COG7: variants seen among roughly 807,000 people sequenced by gnomAD.
The protein encoded by COG7 is component of oligomeric golgi complex 7, also known as conserved oligomeric Golgi complex subunit 7.
A neutral mutation model predicts 91.5 loss-of-function variants in COG7; 49 were observed. The ratio of observed to expected loss-of-function variants is 0.54; its 90% confidence interval spans 0.43 to 0.68. The LOEUF is 0.68. Ranked by LOEUF, COG7 falls within the 30% of genes least tolerant of loss-of-function variation. COG7 has a pLI of 0.00. For missense variants in COG7, 895 were observed against 961.3 expected (o/e 0.93, Z 0.91); for synonymous variants, 365 against 388.7 (o/e 0.94, Z 0.72).
intron 10 of COG7, among the ~76,000 whole-genome samples, chr16:23,412,051 T>C (rs1344733761): frequency 6.6e-6 from 1 of 152,042 alleles, no homozygotes; most frequent in East Asian, 1.9e-4. Context: ...CAGCTAATTG[T>C]TGTATTTTTA....
At chr16:23,419,748 C>CAAAAA (rs60636268) in intron 7 of COG7, among the ~76,000 whole-genome samples, 25 of 55,206 alleles carry the variant, frequency 4.5e-4, no homozygotes, top group South Asian at 7.4e-4. Context: ...GACTTCATCT[C>CAAAAA]AAAAAAAAAA....
chr16:23,397,002 T>G lies in COG7; in HGVS notation c.1887+1044A>C, dbSNP rs942442731. Among the ~76,000 whole-genome samples the G allele has an allele frequency of 3.9e-5, 6 of 152,276 alleles. No individual in the cohort carries two copies. In the East Asian group the frequency reaches 9.7e-4, roughly 25 times the overall value. ...ACAGCTCACTGCAGCGTCGACCTCC[T>G]GGGCTCAAGCGATTCTCCCACCTCA... is the stretch of plus-strand genomic sequence containing the variant. On this transcript the variant is annotated intron_variant, in intron 14 of 16. Transcript: ENST00000307149.
chr16:23,420,346 GA>G (rs903486550), intron 7 of COG7, among the ~76,000 whole-genome samples: 25 of 152,160 alleles, frequency 1.6e-4, no homozygotes, highest in African/African-American at 4.8e-4. Flanking sequence ...GAAAGCTTTG[GA>G]CACAGTCTCA....
rs1383658723 is a variant in COG7 at position 23,410,286 on chromosome 16, C to T, written c.1475+9G>A. 3 of 1,613,380 alleles carry T rather than the reference C, an allele frequency of 1.9e-6. No individual in the cohort carries two copies. Among genetic ancestry groups the T allele is most frequent in the East Asian group, 4.5e-5 (2 of 44,882 alleles). ...CAGGGTGTAGAGGACAATGACTCCT[C>T]TCTCCTACCTGTTGGCTAGCTGCTG... On this transcript the variant is annotated intron_variant, in intron 11 of 16. Coordinates refer to ENST00000307149, the MANE Select transcript of COG7 (RefSeq NM_153603.4).
chr16:23,393,615 A>G (rs891388924), intron 14 of COG7: 15 of 476,864 alleles, frequency 3.1e-5, no homozygotes, highest in African/African-American at 2.9e-4. Context: ...TCTATCTCCA[A>G]TGAAGTAATG....
intron 5 of COG7, among the ~76,000 whole-genome samples, chr16:23,434,019 T>C (rs566007408): frequency 6.6e-6 from 1 of 152,310 alleles, no homozygotes; most frequent in East Asian, 1.9e-4. Flanking sequence ...CTAACATCAC[T>C]GCTTAAAAGA....
Position 23,444,924 on chromosome 16 carries a change from A to C in COG7, c.435+124T>G, listed in dbSNP as rs1263420371. ...CACCGAGCAGCTTCAGATCTTCCCC[A>C]CCCTGAGTCTGAAGGTTTCTGAATG... On this transcript the variant is annotated intron_variant, in intron 3 of 16. Coordinates refer to ENST00000307149, the MANE Select transcript of COG7 (RefSeq NM_153603.4). The C allele has an allele frequency of 6.2e-6, 5 of 806,418 alleles. No individual in the cohort carries two copies. The East Asian group carries it at 1.2e-4, about 20-fold the overall frequency. 50.0% of individuals were successfully genotyped at this position (806,418 alleles called of 1,614,324 possible).
At chr16:23,443,085 A>G (rs758962378) in intron 3 of COG7, among the ~76,000 whole-genome samples, 6 of 152,144 alleles carry the variant, frequency 3.9e-5, no homozygotes, top group Non-Finnish European at 5.9e-5. Context: ...AAATTAAAAC[A>G]ATAAAGTGTC....
chr16:23,452,787 C>T (rs759682771), intron 1 of COG7, 39 bp downstream of exon 1: 1 of 1,587,990 alleles, frequency 6.3e-7, no homozygotes, highest in Admixed American at 1.8e-5. Context: ...CAGCCGAGAG[C>T]AGGGGAGGGT....
rs752915527 is a variant in COG7, at chr16:23,424,911, G to A, written c.847C>T (p.Leu283=). 4 of 1,613,424 alleles carry A rather than the reference G, an allele frequency of 2.5e-6. No homozygotes were observed. The highest frequency in any genetic ancestry group is 3.4e-6 in the Non-Finnish European group (4 of 1,179,630). ...QKPHEVVMVL[L]IQTLGALMPS... is the part of the protein sequence containing the mutation. Reference sequence around the variant, plus strand: ...ATGAGGGCCCCCAGGGTCTGAATCAGCAGCACCATTACCACCTCGTGGGGC... The same window carrying A: ...ATGAGGGCCCCCAGGGTCTGAATCAACAGCACCATTACCACCTCGTGGGGC... The change falls in exon 7 of 17, where the codon CTG becomes TTG. Residue 283 remains leucine, a synonymous_variant. Coordinates refer to ENST00000307149, the MANE Select transcript of COG7 (RefSeq NM_153603.4).
rs1963815964 is a variant in COG7, at chr16:23,424,740, A to G, written c.1009+9T>C. ...ACAAGCTAGAGAACTGGCAGGAAGG[A>G]ATGTTTACGTAGGTGGGGGAGCAGT... On this transcript the variant is annotated intron_variant, in intron 7 of 16. Transcript: ENST00000307149. The G allele has an allele frequency of 1.9e-6, 3 of 1,613,986 alleles. No homozygotes were observed. The highest frequency in any genetic ancestry group is 2.2e-5 in the South Asian group (2 of 91,082).
intron 13 of COG7, among the ~76,000 whole-genome samples, chr16:23,401,386 C>T (rs1035355054): frequency 3.3e-5 from 5 of 152,062 alleles, no homozygotes; most frequent in African/African-American, 4.8e-5. Flanking sequence ...GGGCCAAGCA[C>T]CCAGGAACTC....
chr16:23,416,689 C>CTTTTTTTTT, intron 9 of COG7: 1 of 478,634 alleles, frequency 2.1e-6, no homozygotes. Context: ...TCTAAGGTTT[C>CTTTTTTTTT]TTTTTTTTTC....
At position 23,388,509 on chromosome 16, in the gene COG7, T is replaced by G; in HGVS notation, c.*411A>C. On this transcript the variant is annotated 3_prime_UTR_variant, in exon 17 of 17. Coordinates refer to ENST00000307149, the MANE Select transcript of COG7 (RefSeq NM_153603.4). ...ACAGTCTTCTTGCATTTCACAGTAG[T>G]TATTTATTCCATTTTCAAGATCTGA... 5.7e-6 allele frequency: 1 copy of G among 176,582 alleles called. No individual in the cohort carries two copies. The highest frequency in any genetic ancestry group is 1.2e-5 in the Non-Finnish European group (1 of 82,672). The allele number at this position is 176,582 out of a possible 1,614,324, so 10.9% of individuals were successfully genotyped here.
At chr16:23,448,114 C>A (rs1380321638) in intron 1 of COG7, among the ~76,000 whole-genome samples, 10 of 152,022 alleles carry the variant, frequency 6.6e-5, no homozygotes, top group Non-Finnish European at 1.2e-4. Flanking sequence ...GCTACAATCA[C>A]CCTTCCTCAT....
At chr16:23,398,464 T>C (rs1963320203) in intron 13 of COG7, among the ~76,000 whole-genome samples, 2 of 152,156 alleles carry the variant, frequency 1.3e-5, no homozygotes, top group African/African-American at 4.8e-5. Flanking sequence ...ATATTTTTGG[T>C]CCAAGTTTCT....
At chr16:23,413,713 C>T in intron 9 of COG7, 149 bp from the exon 10 acceptor site, 1 of 650,682 alleles carries the variant, frequency 1.5e-6, no homozygotes, top group South Asian at 1.7e-5. Context: ...TGCTTGTAAA[C>T]CTCTGAACAC....
intron 16 of COG7, among the ~76,000 whole-genome samples, chr16:23,389,411 GCA>G (rs138663393): frequency 1.1e-4 from 17 of 149,650 alleles, no homozygotes; most frequent in Non-Finnish European, 1.5e-4. Context: ...ACACAAACTC[GCA>G]CACACACTCA....
chr16:23,439,879 T>A (rs969774776), intron 4 of COG7, among the ~76,000 whole-genome samples: 17 of 152,142 alleles, frequency 1.1e-4, no homozygotes, highest in African/African-American at 2.2e-4. Flanking sequence ...CACAATTTTT[T>A]AAATTTTTTT....
Sources: allele counts gnomAD v4.1 joint callset (sites outside exome capture counted in the v4.1 genomes callset), GRCh38; gene constraint gnomAD v4.1.1; transcripts MANE v1.5; gene names NCBI Gene and HGNC (gene_info 2026-07-23, HGNC 2026-07-21).